Variants in TCF15 observed in about 807,000 individuals in gnomAD.
The protein encoded by TCF15 is transcription factor 15, also known as TCF-15.
Under a neutral mutation model 11.1 loss-of-function variants are expected in TCF15, and 7 were observed. The ratio of observed to expected loss-of-function variants is 0.63; its 90% CI spans 0.36 to 1.19. The LOEUF is 1.19. TCF15 is among the 50% of genes most tolerant of loss of function. TCF15 has a pLI of 0.02. For synonymous variants in TCF15, 144 were observed against 138.9 expected, an observed-to-expected ratio of 1.04 and a Z score of -0.26; for missense variants, 288 against 289.4, an observed-to-expected ratio of 1.00 and a Z score of 0.03.
At chr20:607,853 GA>G (rs1391348863) in intron 1 of TCF15, among the ~76,000 whole-genome samples, 1 of 152,212 alleles carries the variant, frequency 6.6e-6, no homozygotes, top group African/African-American at 2.4e-5. Flanking sequence ...AGCAAGTGGG[GA>G]TAACCACAGC....
Position 609,771 on chromosome 20 carries a change from TCGG to T in TCF15, c.464_466del (p.Ala155del), listed in dbSNP as rs1328153158. On this transcript the variant is annotated inframe_deletion, in exon 1 of 2. Transcript: ENST00000246080. This position sits in a 1 kb window ranked among gnomAD's most constrained non-coding sequence, Gnocchi z 4.7. ...GATGGAGCGCGGCTGGCGGCCGCCG[TCGG>T]CGGCGGCGGGGACGGCGCCCTTGGC... 8.5e-6 allele frequency: 12 copies of T among 1,408,696 alleles called. No individual in the cohort carries two copies. The highest frequency in any genetic ancestry group is 6.9e-5 in the Admixed American group (2 of 28,842). 87.3% of individuals were successfully genotyped at this position (1,408,696 alleles called of 1,614,324 possible). A position where few individuals can be genotyped will look rare whatever the true frequency, so the allele number is the denominator to read the frequency against.
chr20:605,716 G>T (rs576119919), intron 1 of TCF15, among the ~76,000 whole-genome samples: 2 of 152,326 alleles, frequency 1.3e-5, no homozygotes, highest in South Asian at 4.2e-4. Context: ...AGTCCTTACA[G>T]GGGCTGTCTC....
intron 1 of TCF15, among the ~76,000 whole-genome samples, chr20:606,291 G>GC (rs1258537594): frequency 6.6e-6 from 1 of 151,832 alleles, no homozygotes; most frequent in Non-Finnish European, 1.5e-5. Flanking sequence ...TAGAAAACTG[G>GC]CCTTCCTCTC....
chr20:608,196 C>A (rs992423813), intron 1 of TCF15, among the ~76,000 whole-genome samples: 1 of 152,200 alleles, frequency 6.6e-6, no homozygotes, highest in African/African-American at 2.4e-5. Flanking sequence ...TCCCCTCCCC[C>A]ACCATCAGAC....
Position 609,991 on chromosome 20 carries a change from C to A in TCF15, c.247G>T (p.Asp83Tyr). 1 of 1,369,346 alleles carries A rather than the reference C, an allele frequency of 7.3e-7. No homozygotes were observed. Among genetic ancestry groups the A allele is most frequent in the Non-Finnish European group, 9.4e-7 (1 of 1,058,942 alleles). 84.8% of individuals were successfully genotyped at this position (1,369,346 alleles called of 1,614,324 possible). ...QRQAANARER[D>Y]RTQSVNTAFT... ...GCCGTGTTCACGCTCTGAGTGCGGT[C>A]CCGCTCCCGCGCGTTGGCCGCCTGC... Residue 83 changes from aspartate to tyrosine, a missense_variant, in exon 1 of 2, where the codon GAC becomes TAC. Coordinates refer to ENST00000246080, the MANE Select transcript of TCF15 (RefSeq NM_004609.4). This position sits in a 1 kb window ranked among gnomAD's most constrained non-coding sequence, Gnocchi z 4.7.
chr20:606,742 C>T (rs941698957), intron 1 of TCF15, among the ~76,000 whole-genome samples: 2 of 150,470 alleles, frequency 1.3e-5, no homozygotes, highest in East Asian at 2.0e-4. Context: ...TGCTTGAACC[C>T]GGGAGGCGGA....
At position 609,637 on chromosome 20, in the gene TCF15, T is replaced by C. The variant is rs958856734; in HGVS notation, c.525+76A>G. ...TGGCCTCGTTGGGGACCCCTGCACC[T>C]CTCCGGTTCCCGCAGAGGCGCTGCC... On this transcript the variant is annotated intron_variant, in intron 1 of 1. Transcript: ENST00000246080. The surrounding 1 kb of genome is among the most constrained non-coding windows in gnomAD (Gnocchi z 4.7). The C allele has an allele frequency of 1.1e-5, 14 of 1,306,158 alleles. 1 individual carries two copies. The highest frequency in any genetic ancestry group is 5.6e-4 in the Middle Eastern group (2 of 3,596). The allele number at this position is 1,306,158 out of a possible 1,614,324, so 80.9% of individuals were successfully genotyped here. A position where few individuals can be genotyped will look rare whatever the true frequency, so the allele number is the denominator to read the frequency against.
Position 610,059 on chromosome 20 carries a change from CCCGCCCG to C in TCF15, c.172_178del (p.Arg58AlafsTer29). 9.4e-7 allele frequency: 1 copy of C among 1,067,510 alleles called. No individual in the cohort carries two copies. The highest frequency in any genetic ancestry group is 1.7e-5 in the African/African-American group (1 of 58,794). 66.1% of individuals were successfully genotyped at this position (1,067,510 alleles called of 1,614,324 possible). ...CACGGGGCCCGCGCCGCCGCCGCCG[CCCGCCCG>C]CCGCCCGCCCCCGGGGCCCGGGCCG... On this transcript the variant is annotated frameshift_variant, in exon 1 of 2. Transcript: ENST00000246080. LOFTEE classifies it high-confidence loss of function.
chr20:605,907 A>C (rs1055899304), intron 1 of TCF15, among the ~76,000 whole-genome samples: 4 of 152,242 alleles, frequency 2.6e-5, no homozygotes, highest in Admixed American at 2.0e-4. Flanking sequence ...GTTGTCCAAC[A>C]ATCTGTCCTG....
At chr20:607,010 T>C (rs776657143) in intron 1 of TCF15, among the ~76,000 whole-genome samples, 1 of 152,168 alleles carries the variant, frequency 6.6e-6, no homozygotes, top group Non-Finnish European at 1.5e-5. Flanking sequence ...TGAGCCTCAG[T>C]TTCCCCCCCG....
rs994280376 is a variant in TCF15 at position 604,994 on chromosome 20, T to C, written c.526-329A>G. ...AGAGGATGGGAGGGAGGCTCTCTCA[T>C]GCTATACTGTTTTTTGAGATGGAGT... On this transcript the variant is annotated intron_variant, in intron 1 of 1. Transcript: ENST00000246080. The surrounding 1 kb of genome is among the most constrained non-coding windows in gnomAD (Gnocchi z 4.2). Among the ~76,000 whole-genome samples the C allele has an allele frequency of 6.6e-6, 1 of 152,130 alleles. No homozygotes were observed.
chr20:609,880 A>ACCTGGAC lies in TCF15; in HGVS notation c.357_358insGTCCAGG (p.Tyr120ValfsTer63). 6.5e-7 allele frequency: 1 copy of ACCTGGAC among 1,527,692 alleles called. No individual in the cohort carries two copies. Among genetic ancestry groups the ACCTGGAC allele is most frequent in the Non-Finnish European group, 8.7e-7 (1 of 1,148,068 alleles). The allele number at this position is 1,527,692 out of a possible 1,614,324, so 94.6% of individuals were successfully genotyped here. On this transcript the variant is annotated frameshift_variant, in exon 1 of 2. Coordinates refer to ENST00000246080, the MANE Select transcript of TCF15 (RefSeq NM_004609.4). LOFTEE classifies it high-confidence loss of function. This position sits in a 1 kb window ranked among gnomAD's most constrained non-coding sequence, Gnocchi z 4.7. ...AGCACGTTGGCCAGGTGCGCGATGTAGCTGGACGCCAGGCGCACGGTCTCG... is the reference window on the plus strand; with the variant it reads ...AGCACGTTGGCCAGGTGCGCGATGTACCTGGACGCTGGACGCCAGGCGCACGGTCTCG...
chr20:606,534 G>A (rs1190814684), intron 1 of TCF15, among the ~76,000 whole-genome samples: 2 of 152,284 alleles, frequency 1.3e-5, no homozygotes, highest in East Asian at 1.9e-4. Context: ...AGGTCTTGAC[G>A]GCCGGGTATG....
At position 609,771 on chromosome 20, in the gene TCF15, TCGGCGG is replaced by T. The variant is rs1328153158; in HGVS notation, c.461_466del (p.Ala154_Ala155del). 7.1e-7 allele frequency: 1 copy of T among 1,408,582 alleles called. No individual in the cohort carries two copies. Among genetic ancestry groups the T allele is most frequent in the Non-Finnish European group, 9.1e-7 (1 of 1,094,458 alleles). 87.3% of individuals were successfully genotyped at this position (1,408,582 alleles called of 1,614,324 possible). On this transcript the variant is annotated inframe_deletion, in exon 1 of 2. Coordinates refer to ENST00000246080, the MANE Select transcript of TCF15 (RefSeq NM_004609.4). This position sits in a 1 kb window ranked among gnomAD's most constrained non-coding sequence, Gnocchi z 4.7. The stretch of plus-strand genomic sequence containing the variant: ...GATGGAGCGCGGCTGGCGGCCGCCG[TCGGCGG>T]CGGCGGGGACGGCGCCCTTGGCACT...
At chr20:606,349 C>T (rs1035649101) in intron 1 of TCF15, among the ~76,000 whole-genome samples, 1 of 152,158 alleles carries the variant, frequency 6.6e-6, no homozygotes, top group South Asian at 2.1e-4. Flanking sequence ...CCCCTCCCAC[C>T]CCAAGTCTGG....
chr20:604,928 A>G lies in TCF15; in HGVS notation c.526-263T>C, dbSNP rs1382008146. ...TGCTGGGGAGAAGCACACACGGGAAATTGTGAGTGGGTTTCTTCAGAGAGG... is the reference window on the plus strand; with the variant it reads ...TGCTGGGGAGAAGCACACACGGGAAGTTGTGAGTGGGTTTCTTCAGAGAGG... On this transcript the variant is annotated intron_variant, in intron 1 of 1. Transcript: ENST00000246080. This position sits in a 1 kb window ranked among gnomAD's most constrained non-coding sequence, Gnocchi z 4.2. 9.2e-5 allele frequency among the ~76,000 whole-genome samples: 14 copies of G among 152,344 alleles called. No individual in the cohort carries two copies. The highest frequency in any genetic ancestry group is 3.4e-4 in the African/African-American group (14 of 41,592).
rs2020014148 is a variant in TCF15 at position 610,255 on chromosome 20, C to CCCCG, written c.-19_-18insCGGG. On this transcript the variant is annotated 5_prime_UTR_variant, in exon 1 of 2. Transcript: ENST00000246080. Reference sequence around the variant, plus strand: ...AACGCCATGGGCGCCGGCCGCGTCCCTCCGTGCGCCGCGTCCCAGCGTCGG... The same window carrying CCCCG: ...AACGCCATGGGCGCCGGCCGCGTCCCCCCGTCCGTGCGCCGCGTCCCAGCGTCGG... 2 of 991,194 alleles carry CCCCG rather than the reference C, an allele frequency of 2.0e-6. No homozygotes were observed. Among genetic ancestry groups the CCCCG allele is most frequent in the African/African-American group, 1.8e-5 (1 of 57,002 alleles). The allele number at this position is 991,194 out of a possible 1,614,324, so 61.4% of individuals were successfully genotyped here. A position where few individuals can be genotyped will look rare whatever the true frequency, so the allele number is the denominator to read the frequency against.
At position 609,193 on chromosome 20, in the gene TCF15, C is replaced by G. The variant is rs2020001229; in HGVS notation, c.525+520G>C. The stretch of plus-strand genomic sequence containing the variant: ...ATCTTAGGACAGGGGACAATTATTT[C>G]AAGGTGGGGGCAACACACACCGGGC... On this transcript the variant is annotated intron_variant, in intron 1 of 1. Coordinates refer to ENST00000246080, the MANE Select transcript of TCF15 (RefSeq NM_004609.4). This position sits in a 1 kb window ranked among gnomAD's most constrained non-coding sequence, Gnocchi z 4.7. Among the ~76,000 whole-genome samples the G allele has an allele frequency of 4.6e-5, 7 of 152,150 alleles. No individual in the cohort carries two copies. The highest frequency in any genetic ancestry group is 4.6e-4 in the Admixed American group (7 of 15,278).
chr20:609,675 C>A lies in TCF15; in HGVS notation c.525+38G>T. 1 of 1,333,748 alleles carries A rather than the reference C, an allele frequency of 7.5e-7. No homozygotes were observed. The highest frequency in any genetic ancestry group is 9.5e-7 in the Non-Finnish European group (1 of 1,050,422). 82.6% of individuals were successfully genotyped at this position (1,333,748 alleles called of 1,614,324 possible). ...CAGAGGCGCTGCCCCCCGCCTACCC[C>A]GACCTGGCGGCCGCAGCGAGGGACG... On this transcript the variant is annotated intron_variant, in intron 1 of 1. Transcript: ENST00000246080. This position sits in a 1 kb window ranked among gnomAD's most constrained non-coding sequence, Gnocchi z 4.7.
Sources: gnomAD v4.1 joint callset for allele counts (sites outside exome capture counted in the v4.1 genomes callset) on GRCh38, gnomAD v4.1.1 for gene constraint, Gnocchi (gnomAD v3.1) non-coding constraint, MANE v1.5 for transcripts, NCBI Gene and HGNC (gene_info 2026-07-23, HGNC 2026-07-21) for gene names.